ABCC8: variants seen among roughly 807,000 people sequenced by gnomAD.
ABCC8 encodes the protein ATP binding cassette subfamily C member 8.
Under a neutral mutation model 188.0 loss-of-function variants are expected in ABCC8, and 137 were observed. That is an observed-to-expected ratio of 0.73 (90% CI 0.63 to 0.84). The LOEUF is 0.84. Among genes scored for constraint, ABCC8 ranks in the 40% least tolerant of loss-of-function variants. The probability of loss-of-function intolerance (pLI) is 0.00; values close to 1 mark genes in which losing one functional copy is unlikely to be tolerated. For synonymous variants in ABCC8, 797 were observed against 846.5 expected, an observed-to-expected ratio of 0.94 and a Z score of 1.01; for missense variants, 1,750 against 2,072.7, an observed-to-expected ratio of 0.84 and a Z score of 3.02.
At chr11:17,415,956 G>A (rs1462790084) in intron 17 of ABCC8, among the ~76,000 whole-genome samples, 3 of 152,208 alleles carry the variant, frequency 2.0e-5, no homozygotes, top group Non-Finnish European at 4.4e-5. Context: ...AGCTGCTCCC[G>A]TGTCAAATAT....
intron 2 of ABCC8, among the ~76,000 whole-genome samples, chr11:17,473,791 C>G (rs150063102): frequency 6.6e-6 from 1 of 152,356 alleles, no homozygotes; most frequent in East Asian, 1.9e-4. Flanking sequence ...CCAGCCTGCG[C>G]TGAACACCTC....
chr11:17,444,021 AAGAGAG>A (rs112019394), intron 8 of ABCC8, among the ~76,000 whole-genome samples: 2 of 150,860 alleles, frequency 1.3e-5, no homozygotes, highest in Non-Finnish European at 3.0e-5. Context: ...CTTAGCTAAA[AAGAGAG>A]AGAGAGAGAG....
chr11:17,404,479 G>A lies in ABCC8; in HGVS notation c.3557+33C>T, dbSNP rs201170581. 2 of 1,591,934 alleles carry A rather than the reference G, an allele frequency of 1.3e-6. No individual in the cohort carries two copies. The highest frequency in any genetic ancestry group is 1.7e-5 in the Admixed American group (1 of 59,960). On this transcript the variant is annotated intron_variant, in intron 28 of 38. Transcript: ENST00000389817. The surrounding 1 kb of genome is among the most constrained non-coding windows in gnomAD (Gnocchi z 4.7). ...AGTACACCAAACTGCACATTGCAAAGCACCTCCCACCCCTCACCCCTGAGG... is the reference window on the plus strand; with the variant it reads ...AGTACACCAAACTGCACATTGCAAAACACCTCCCACCCCTCACCCCTGAGG...
At chr11:17,435,672 T>C in intron 10 of ABCC8, 1 of 1,404,884 alleles carries the variant, frequency 7.1e-7, no homozygotes, top group African/African-American at 1.4e-5. Context: ...CCTCTGTTCT[T>C]CACATGGCTG....
At chr11:17,450,231 T>C (rs1956708379) in intron 7 of ABCC8, among the ~76,000 whole-genome samples, 1 of 116,680 alleles carries the variant, frequency 8.6e-6, no homozygotes, top group African/African-American at 3.9e-5. Context: ...TCTCCCTAAC[T>C]CCTTTCTTTT....
chr11:17,413,337 G>A, intron 20 of ABCC8, 57 bp downstream of exon 20: 1 of 1,606,010 alleles, frequency 6.2e-7, no homozygotes, highest in South Asian at 1.1e-5. Context: ...AGTGTCTCAG[G>A]GCATGGTAGG....
intron 6 of ABCC8, among the ~76,000 whole-genome samples, chr11:17,456,087 C>T (rs34048175): frequency 6.6e-6 from 1 of 151,916 alleles, no homozygotes; most frequent in Non-Finnish European, 1.5e-5. Flanking sequence ...CAGCACCCTG[C>T]AGGTACCAAG....
In ABCC8 at chr11:17,404,454, A is replaced by G. The variant is rs994606111; in HGVS notation, c.3557+58T>C. On this transcript the variant is annotated intron_variant, in intron 28 of 38. Coordinates refer to ENST00000389817, the MANE Select transcript of ABCC8 (RefSeq NM_000352.6). The surrounding 1 kb of genome is among the most constrained non-coding windows in gnomAD (Gnocchi z 4.7). Reference sequence around the variant, plus strand: ...TACTCTCATAACGATGAGTCTAGCAAGTACACCAAACTGCACATTGCAAAG... The same window carrying G: ...TACTCTCATAACGATGAGTCTAGCAGGTACACCAAACTGCACATTGCAAAG... 4 of 1,532,780 alleles carry G rather than the reference A, an allele frequency of 2.6e-6. No individual in the cohort carries two copies. The highest frequency in any genetic ancestry group is 3.6e-6 in the Non-Finnish European group (4 of 1,106,124). The allele number at this position is 1,532,780 out of a possible 1,614,324, so 94.9% of individuals were successfully genotyped here.
At chr11:17,394,866 G>GGGGCA (rs1173826244) in intron 36 of ABCC8, among the ~76,000 whole-genome samples, 1 of 152,168 alleles carries the variant, frequency 6.6e-6, no homozygotes, top group African/African-American at 2.4e-5. Flanking sequence ...GCAGGTGGAT[G>GGGGCA]GGGCAGGGCA....
At chr11:17,417,169 G>T in intron 16 of ABCC8, 2 of 716,344 alleles carry the variant, frequency 2.8e-6, no homozygotes, top group Non-Finnish European at 3.4e-6. Context: ...CCTCCAAATA[G>T]CATGTGCTAA....
chr11:17,428,851 G>T, intron 12 of ABCC8, 181 bp from the exon 13 acceptor site: 3 of 1,184,830 alleles, frequency 2.5e-6, no homozygotes, highest in Non-Finnish European at 3.5e-6. Flanking sequence ...ACCAGGGTTT[G>T]CTAGGGTTGA....
chr11:17,424,417 G>C (rs1384714146), intron 16 of ABCC8, among the ~76,000 whole-genome samples: 1 of 152,226 alleles, frequency 6.6e-6, no homozygotes, highest in Non-Finnish European at 1.5e-5. Flanking sequence ...TTTCCTAAGA[G>C]AGAGGGGCAG....
chr11:17,438,315 G>C (rs1262314794), intron 10 of ABCC8, among the ~76,000 whole-genome samples: 1 of 152,198 alleles, frequency 6.6e-6, no homozygotes, highest in Non-Finnish European at 1.5e-5. Flanking sequence ...GAAAGACCCA[G>C]AGTCAGGTGA....
At chr11:17,474,055 T>C (rs1848626386) in intron 2 of ABCC8, among the ~76,000 whole-genome samples, 2 of 152,070 alleles carry the variant, frequency 1.3e-5, no homozygotes, top group Non-Finnish European at 2.9e-5. Flanking sequence ...TCTCTCTCCT[T>C]CCTCCTCTGT....
At chr11:17,446,028 C>A (rs185088576) in intron 8 of ABCC8, among the ~76,000 whole-genome samples, 1 of 150,198 alleles carries the variant, frequency 6.7e-6, no homozygotes, top group African/African-American at 2.5e-5. Context: ...CGCAGTGACA[C>A]GATCTCAGCT....
rs528717132 is a variant in ABCC8 at position 17,449,948 on chromosome 11, T to C, written c.1177-1277A>G. On this transcript the variant is annotated intron_variant, in intron 7 of 38. Transcript: ENST00000389817. Reference sequence around the variant, plus strand: ...AAAGAAATCTATATACCTCCTAGGTTATGTGAAATGAGACTTCAAAAGATA... The same window carrying C: ...AAAGAAATCTATATACCTCCTAGGTCATGTGAAATGAGACTTCAAAAGATA... 4.6e-5 allele frequency among the ~76,000 whole-genome samples: 7 copies of C among 152,360 alleles called. No individual in the cohort carries two copies. The South Asian group carries it at 1.4e-3, about 32-fold the overall frequency.
chr11:17,399,302 A>ACC (rs1954116783), intron 29 of ABCC8, among the ~76,000 whole-genome samples: 1 of 144,560 alleles, frequency 6.9e-6, no homozygotes, highest in Non-Finnish European at 1.5e-5. Context: ...AAAAAAAAAA[A>ACC]AACAAATAAA....
chr11:17,462,029 C>T (rs1269149235), intron 4 of ABCC8: 1 of 531,444 alleles, frequency 1.9e-6, no homozygotes, highest in Non-Finnish European at 2.4e-6. Context: ...TTTGTAACTG[C>T]TCATTGAGGT....
intron 36 of ABCC8, chr11:17,394,945 C>G: frequency 1.7e-6 from 1 of 604,742 alleles, no homozygotes; most frequent in Non-Finnish European, 2.9e-6. Flanking sequence ...TGACTGTACC[C>G]GCTGTACCCT....
Sources: gnomAD v4.1 joint callset for allele counts (sites outside exome capture counted in the v4.1 genomes callset) on GRCh38, gnomAD v4.1.1 for gene constraint, Gnocchi (gnomAD v3.1) non-coding constraint, MANE v1.5 for transcripts, NCBI Gene and HGNC (gene_info 2026-07-23, HGNC 2026-07-21) for gene names.